Variants in MBTPS1 observed in about 807,000 individuals in gnomAD.
MBTPS1 encodes membrane-bound transcription factor site-1 protease.
A neutral mutation model predicts 127.8 loss-of-function variants in MBTPS1; 94 were observed. The ratio of observed to expected loss-of-function variants is 0.74; its 90% confidence interval spans 0.62 to 0.87. The LOEUF (loss-of-function observed/expected upper bound fraction) is 0.87, where lower values mean the gene tolerates loss of function less well. MBTPS1 is among the 40% of genes least tolerant of loss of function. MBTPS1 has a pLI of 0.00. For missense variants in MBTPS1, 1,636 were observed against 1,353.2 expected (o/e 1.21, Z -3.28); for synonymous variants, 632 against 509.4 (o/e 1.24, Z -3.24).
At chr16:84,101,164 G>C (rs916745940) in intron 2 of MBTPS1, among the ~76,000 whole-genome samples, 1 of 151,862 alleles carries the variant, frequency 6.6e-6, no homozygotes, top group African/African-American at 2.4e-5. Context: ...ACTGGGAGTT[G>C]TGGCGGGTGC....
intron 8 of MBTPS1, among the ~76,000 whole-genome samples, chr16:84,090,135 T>C (rs1481431503): frequency 2.0e-5 from 3 of 152,094 alleles, no homozygotes; most frequent in African/African-American, 7.2e-5. Flanking sequence ...CCTTGTCTTA[T>C]GCCCTGGATT....
intron 20 of MBTPS1, chr16:84,059,888 T>C (rs570230879): frequency 6.5e-6 from 1 of 153,444 alleles, no homozygotes; most frequent in East Asian, 1.9e-4. Context: ...ACGTAGCTAC[T>C]GAGCAAGTGA....
intron 11 of MBTPS1, chr16:84,081,400 G>T (rs900886077): frequency 1.8e-5 from 3 of 162,184 alleles, no homozygotes; most frequent in Admixed American, 6.4e-5. Flanking sequence ...GTGGCATCAG[G>T]GGAAACTGGG....
rs6650580 is a variant in MBTPS1, at chr16:84,087,683, C to T, written c.1032-223G>A. On this transcript the variant is annotated intron_variant, in intron 8 of 22. Transcript: ENST00000343411. ...TCACATTACGCCCTCTCACCTGCAA[C>T]GCCCCTCCTTTCTTCTCCTCCCTGT... 2.6e-3 allele frequency among the ~76,000 whole-genome samples: 402 copies of T among 152,174 alleles called. 1 individual carries two copies. The highest frequency in any genetic ancestry group is 9.2e-3 in the African/African-American group (382 of 41,524).
At chr16:84,090,427 T>C (rs1224008898) in intron 8 of MBTPS1, among the ~76,000 whole-genome samples, 1 of 152,200 alleles carries the variant, frequency 6.6e-6, no homozygotes, top group Non-Finnish European at 1.5e-5. Context: ...GCACTTCCCC[T>C]GTGAATGAGT....
intron 20 of MBTPS1, 130 bp downstream of exon 20, chr16:84,060,552 C>G: frequency 1.9e-6 from 2 of 1,049,764 alleles, no homozygotes; most frequent in Non-Finnish European, 2.7e-6. Flanking sequence ...TACCCGCAGC[C>G]ATTACGAAAA....
At chr16:84,092,519 A>G (rs1412612299) in intron 6 of MBTPS1, among the ~76,000 whole-genome samples, 1 of 152,236 alleles carries the variant, frequency 6.6e-6, no homozygotes, top group East Asian at 1.9e-4. Context: ...GAGGTATAAG[A>G]AAGGAACATC....
At chr16:84,071,876 T>TA (rs1176476356) in intron 12 of MBTPS1, 3 of 152,138 alleles carry the variant, frequency 2.0e-5, no homozygotes, top group Non-Finnish European at 2.9e-5. Flanking sequence ...TTAGGATTGA[T>TA]AGAGAAAATC....
chr16:84,076,894 G>A (rs889634645), intron 11 of MBTPS1, among the ~76,000 whole-genome samples: 2 of 152,172 alleles, frequency 1.3e-5, no homozygotes, highest in African/African-American at 2.4e-5. Context: ...TAAGTAAGAT[G>A]ATATGAAAAT....
chr16:84,090,728 A>AT, intron 8 of MBTPS1, 147 bp downstream of exon 8: 1 of 642,556 alleles, frequency 1.6e-6, no homozygotes, highest in Non-Finnish European at 2.8e-6. Flanking sequence ...ATCCTATAGT[A>AT]TTTTTTTACA....
chr16:84,058,498 TGCCCGGCCACGGACACAGCTCTGACA>T (rs1443497294), intron 21 of MBTPS1, among the ~76,000 whole-genome samples: 2 of 152,302 alleles, frequency 1.3e-5, no homozygotes, highest in Middle Eastern at 3.4e-3. Context: ...GAGGTGTGCC[TGCCCGGCCACGGACACAGCTCTGACA>T]GCTGTCCCTG....
At chr16:84,066,150 G>A (rs1210147437) in intron 17 of MBTPS1, among the ~76,000 whole-genome samples, 1 of 152,252 alleles carries the variant, frequency 6.6e-6, no homozygotes, top group South Asian at 2.1e-4. Flanking sequence ...CCTTACCTGT[G>A]GGGGAACTTC....
At chr16:84,056,281 TG>T in intron 21 of MBTPS1, 146 bp from the exon 22 acceptor site, 2 of 616,786 alleles carry the variant, frequency 3.2e-6, no homozygotes, top group South Asian at 2.2e-5. Context: ...GCCACCTAAA[TG>T]CCACTGACAG....
chr16:84,094,816 G>T (rs2086157461), intron 4 of MBTPS1, among the ~76,000 whole-genome samples: 2 of 152,150 alleles, frequency 1.3e-5, no homozygotes, highest in African/African-American at 4.8e-5. Context: ...AGTCCACCGG[G>T]TATTAAAAGT....
In MBTPS1 at chr16:84,065,764, T is replaced by C; in HGVS notation, c.2357A>G (p.Tyr786Cys). The C allele has an allele frequency of 2.5e-6, 4 of 1,595,546 alleles. No homozygotes were observed. The highest frequency in any genetic ancestry group is 3.4e-6 in the Non-Finnish European group (4 of 1,172,290). ...GEFTLANHDM[Y>C]YASGCSIAKF... ...CGCGATGCTGCACCCTGACGCATAA[T>C]ACACTAGGAAAGAGTGTTCAAAGTC... The change falls in exon 18 of 23, where the codon TAT becomes TGT. Residue 786 changes from tyrosine to cysteine, a missense_variant. Tyr to Cys is a radical substitution (Grantham distance 194, BLOSUM62 -2). Transcript: ENST00000343411.
intron 10 of MBTPS1, among the ~76,000 whole-genome samples, chr16:84,083,294 A>G (rs2085968992): frequency 1.3e-5 from 2 of 152,216 alleles, no homozygotes; most frequent in Non-Finnish European, 2.9e-5. Context: ...CTCACTTGAT[A>G]TAACACTGGA....
chr16:84,095,197 C>G (rs114589216), intron 4 of MBTPS1, among the ~76,000 whole-genome samples: 3,234 of 152,330 alleles, frequency 0.021, 108 homozygotes, highest in African/African-American at 0.074. Context: ...TTGCCCAGAT[C>G]AGGGACCATC....
chr16:84,079,251 C>T (rs1408766487), intron 11 of MBTPS1, among the ~76,000 whole-genome samples: 1 of 152,188 alleles, frequency 6.6e-6, no homozygotes, highest in Non-Finnish European at 1.5e-5. Flanking sequence ...GCCTGCAGAA[C>T]CAGGAGCCAA....
At chr16:84,092,159 G>A (rs1001266984) in intron 6 of MBTPS1, among the ~76,000 whole-genome samples, 6 of 152,128 alleles carry the variant, frequency 3.9e-5, no homozygotes, top group East Asian at 1.9e-4. Flanking sequence ...GCTCCCAACC[G>A]CCCCTCTCCT....
Sources: allele counts gnomAD v4.1 joint callset (sites outside exome capture counted in the v4.1 genomes callset), GRCh38; gene constraint gnomAD v4.1.1; transcripts MANE v1.5; gene names NCBI Gene and HGNC (gene_info 2026-07-23, HGNC 2026-07-21).